KLHL1: variants seen among roughly 807,000 people sequenced by gnomAD.
KLHL1 encodes the protein kelch-like protein 1.
In KLHL1, 47 loss-of-function variants were observed where a neutral mutation model predicts 77.7. The observed-to-expected ratio is 0.60, with a 90% CI of 0.48 to 0.77. The LOEUF is 0.77. Among genes scored for constraint, KLHL1 ranks in the 30% least tolerant of loss-of-function variants. KLHL1 has a pLI of 0.00. For missense variants in KLHL1, 925 were observed against 910.8 expected (o/e 1.02, Z -0.20); for synonymous variants, 360 against 325.2 (o/e 1.11, Z -1.15).
At position 69,961,299 on chromosome 13, in the gene KLHL1, T is replaced by C; in HGVS notation, c.817+9A>G. 6.2e-7 allele frequency: 1 copy of C among 1,602,088 alleles called. No individual in the cohort carries two copies. Among genetic ancestry groups the C allele is most frequent in the Non-Finnish European group, 8.5e-7 (1 of 1,172,880 alleles). ...ACATCAGAATGATGTTATAATTATTTTGCCATACCTGTATATGCAAATTGG... is the reference window on the plus strand; with the variant it reads ...ACATCAGAATGATGTTATAATTATTCTGCCATACCTGTATATGCAAATTGG... On this transcript the variant is annotated intron_variant, in intron 3 of 10. Transcript: ENST00000377844.
intron 5 of KLHL1, among the ~76,000 whole-genome samples, chr13:69,877,778 T>C (rs1880823045): frequency 6.6e-6 from 1 of 152,162 alleles, no homozygotes; most frequent in Non-Finnish European, 1.5e-5. Context: ...TTTTCATACC[T>C]TGTCTTCCTT....
Position 70,107,674 on chromosome 13 carries a change from A to C in KLHL1, c.26T>G (p.Phe9Cys). Residue 9 changes from phenylalanine to cysteine, a missense_variant, in exon 1 of 11, where the codon TTC becomes TGC. Phe to Cys is a radical substitution (Grantham distance 205). Transcript: ENST00000377844. The part of the protein sequence containing the change: MSGSGRKD[F>C]DVKHILRLRW... Reference sequence around the variant, plus strand: ...GAGTCGCAGAATGTGCTTCACATCGAAGTCTTTTCGCCCAGAGCCTGACAT... The same window carrying C: ...GAGTCGCAGAATGTGCTTCACATCGCAGTCTTTTCGCCCAGAGCCTGACAT... 1 of 1,534,034 alleles carries C rather than the reference A, an allele frequency of 6.5e-7. No homozygotes were observed. The highest frequency in any genetic ancestry group is 8.7e-7 in the Non-Finnish European group (1 of 1,145,040).
intron 7 of KLHL1, among the ~76,000 whole-genome samples, chr13:69,768,835 G>A (rs1334436660): frequency 6.6e-6 from 1 of 151,996 alleles, no homozygotes; most frequent in African/African-American, 2.4e-5. Context: ...TTGAAATTTA[G>A]GTGCTTACAG....
chr13:69,983,589 A>AAAAAAAAAAAAAAAAAAAAG lies in KLHL1; in HGVS notation c.498-7788_498-7787insCTTTTTTTTTTTTTTTTTTT, dbSNP rs1216543322. Among the ~76,000 whole-genome samples, 741 of 131,822 alleles carry AAAAAAAAAAAAAAAAAAAAG rather than the reference A, an allele frequency of 5.6e-3. 14 individuals carry two copies. Among genetic ancestry groups the AAAAAAAAAAAAAAAAAAAAG allele is most frequent in the African/African-American group, 0.02 (542 of 26,612 alleles). The allele number at this position is 131,822 out of a possible 152,430, so 86.5% of individuals were successfully genotyped here. ...ACCCTATCTTTACAAAAAAAAAAAA[A>AAAAAAAAAAAAAAAAAAAAG]AAGAAGAAGAAGAAGAGAAAAAAAA... is the stretch of plus-strand genomic sequence containing the variant. On this transcript the variant is annotated intron_variant, in intron 1 of 10. Coordinates refer to ENST00000377844, the MANE Select transcript of KLHL1 (RefSeq NM_020866.3).
chr13:70,079,256 A>C (rs529810347), intron 1 of KLHL1, among the ~76,000 whole-genome samples: 1 of 152,066 alleles, frequency 6.6e-6, no homozygotes, highest in African/African-American at 2.4e-5. Flanking sequence ...GAATCTTTTT[A>C]ATAATCCCTA....
At chr13:69,962,883 A>G (rs1472441045) in intron 2 of KLHL1, among the ~76,000 whole-genome samples, 1 of 152,172 alleles carries the variant, frequency 6.6e-6, no homozygotes, top group Admixed American at 6.6e-5. Flanking sequence ...TTCAGAAATT[A>G]TGTGTAAAAC....
chr13:69,966,601 C>A (rs924640265), intron 2 of KLHL1, among the ~76,000 whole-genome samples: 2 of 151,942 alleles, frequency 1.3e-5, no homozygotes, highest in African/African-American at 4.8e-5. Flanking sequence ...TATTTCATTT[C>A]TTTTCTTTTT....
At chr13:70,062,516 C>A (rs555456858) in intron 1 of KLHL1, among the ~76,000 whole-genome samples, 1 of 152,094 alleles carries the variant, frequency 6.6e-6, no homozygotes, top group South Asian at 2.1e-4. Context: ...ACATATAATT[C>A]ATGCAATGTA....
chr13:69,939,378 T>TATATATATATATATATATATACAC (rs1200160699), intron 4 of KLHL1, among the ~76,000 whole-genome samples: 6 of 70,798 alleles, frequency 8.5e-5, no homozygotes, highest in African/African-American at 1.9e-4. Flanking sequence ...TATATATATA[T>TATATATATATATATATATATACAC]ACACACACAC....
At chr13:69,844,364 T>A (rs183372104) in intron 5 of KLHL1, among the ~76,000 whole-genome samples, 2 of 151,712 alleles carry the variant, frequency 1.3e-5, no homozygotes, top group African/African-American at 4.8e-5. Flanking sequence ...AAATATTGTG[T>A]AAAATGTAAC....
At chr13:70,075,975 G>T (rs534050644) in intron 1 of KLHL1, among the ~76,000 whole-genome samples, 1 of 150,334 alleles carries the variant, frequency 6.7e-6, no homozygotes, top group Non-Finnish European at 1.5e-5. Flanking sequence ...AAACTCTGAG[G>T]ACAAATATCA....
chr13:69,791,640 G>A (rs960099996), intron 7 of KLHL1, among the ~76,000 whole-genome samples: 2 of 152,096 alleles, frequency 1.3e-5, no homozygotes, highest in African/African-American at 4.8e-5. Flanking sequence ...TCACAGTTAT[G>A]GCCAATTGAT....
chr13:70,033,949 G>A (rs1338838268), intron 1 of KLHL1, among the ~76,000 whole-genome samples: 5 of 152,010 alleles, frequency 3.3e-5, no homozygotes, highest in Non-Finnish European at 4.4e-5. Context: ...CAATCCTTAA[G>A]CCCTAATACG....
At chr13:69,823,690 A>T (rs1007080478) in intron 6 of KLHL1, among the ~76,000 whole-genome samples, 6 of 152,068 alleles carry the variant, frequency 3.9e-5, no homozygotes, top group Admixed American at 6.6e-5. Context: ...AATTAACTGT[A>T]GGACTCTATT....
chr13:70,000,417 A>C (rs191850971), intron 1 of KLHL1, among the ~76,000 whole-genome samples: 1 of 152,148 alleles, frequency 6.6e-6, no homozygotes, highest in African/African-American at 2.4e-5. Flanking sequence ...GTTTCTTCCC[A>C]AAACTAATAA....
intron 6 of KLHL1, among the ~76,000 whole-genome samples, chr13:69,799,838 A>T (rs1877294999): frequency 6.6e-6 from 1 of 152,092 alleles, no homozygotes; most frequent in Non-Finnish European, 1.5e-5. Flanking sequence ...TCTGTTAGGA[A>T]CCAGGACGCA....
At chr13:69,814,965 C>G (rs892324202) in intron 6 of KLHL1, among the ~76,000 whole-genome samples, 1 of 151,876 alleles carries the variant, frequency 6.6e-6, no homozygotes, top group African/African-American at 2.4e-5. Flanking sequence ...GAGCCGAGAT[C>G]GCACCACTGC....
intron 1 of KLHL1, among the ~76,000 whole-genome samples, chr13:70,104,414 C>T (rs973135481): frequency 1.3e-5 from 2 of 152,094 alleles, no homozygotes; most frequent in African/African-American, 4.8e-5. Context: ...GATAATTTGA[C>T]CTTTCCAGAA....
intron 10 of KLHL1, among the ~76,000 whole-genome samples, chr13:69,705,796 A>G (rs1875598009): frequency 6.6e-6 from 1 of 151,784 alleles, no homozygotes; most frequent in African/African-American, 2.4e-5. Context: ...ATAATAAAAT[A>G]CAGATGAAGG....
Sources: allele counts gnomAD v4.1 joint callset (sites outside exome capture counted in the v4.1 genomes callset), GRCh38; gene constraint gnomAD v4.1.1; transcripts MANE v1.5; gene names NCBI Gene and HGNC (gene_info 2026-07-23, HGNC 2026-07-21).